The following INTS3 variants were observed in gnomAD, a reference collection of about 807,000 sequenced individuals.
INTS3 encodes integrator complex subunit 3.
Under a neutral mutation model 146.3 loss-of-function variants are expected in INTS3, and 34 were observed. That is an observed-to-expected ratio of 0.23 (90% confidence interval 0.18 to 0.31). The LOEUF is 0.31. INTS3 is among the 10% of genes least tolerant of loss of function. The probability of loss-of-function intolerance (pLI) is 1.00; values close to 1 mark genes in which losing one functional copy is unlikely to be tolerated. For missense variants in INTS3, 757 were observed against 1,304.2 expected (o/e 0.58, Z 6.46); for synonymous variants, 475 against 494.9 (o/e 0.96, Z 0.53).
At chr1:153,743,203 C>A (rs1671604020) in intron 3 of INTS3, among the ~76,000 whole-genome samples, 1 of 152,190 alleles carries the variant, frequency 6.6e-6, no homozygotes, top group Admixed American at 6.5e-5. Flanking sequence ...CTGATGAGGA[C>A]TGATTGTAAT....
chr1:153,728,992 A>G (rs1026511765), intron 1 of INTS3, among the ~76,000 whole-genome samples: 5 of 152,136 alleles, frequency 3.3e-5, no homozygotes, highest in Non-Finnish European at 7.3e-5. Flanking sequence ...AACAGCAGCC[A>G]CTAGTATGAA....
chr1:153,773,047 A>G lies in INTS3; in HGVS notation c.3017A>G (p.Asn1006Ser), dbSNP rs369480311. The G allele has an allele frequency of 7.2e-5, 116 of 1,614,138 alleles. 1 individual carries two copies. The highest frequency in any genetic ancestry group is 2.7e-4 in the East Asian group (12 of 44,878). The part of the protein sequence containing the change: ...RSRKNATQPP[N>S]AEEESGSSSA... The stretch of plus-strand genomic sequence containing the variant: ...CGAAAGAATGCCACACAGCCCCCCA[A>G]TGCCGAAGAAGAGTCGGGCTCCAGC... Residue 1006 changes from asparagine (N) to serine (S), a missense_variant, in exon 29 of 30, where the codon AAT (asparagine) becomes AGT (serine). Coordinates refer to ENST00000318967, the MANE Select transcript of INTS3 (RefSeq NM_023015.5).
At chr1:153,768,165 C>G (rs1225554850) in intron 21 of INTS3, among the ~76,000 whole-genome samples, 1 of 152,204 alleles carries the variant, frequency 6.6e-6, no homozygotes, top group Non-Finnish European at 1.5e-5. Flanking sequence ...CTCTTGTCCT[C>G]TGATGGCTCA....
At chr1:153,729,301 T>C (rs1395023390) in intron 1 of INTS3, among the ~76,000 whole-genome samples, 2 of 152,062 alleles carry the variant, frequency 1.3e-5, no homozygotes, top group Non-Finnish European at 2.9e-5. Flanking sequence ...TTAAGAAAAG[T>C]GAGTAGTGTT....
At chr1:153,736,457 T>A (rs1557988183) in intron 1 of INTS3, among the ~76,000 whole-genome samples, 2 of 151,726 alleles carry the variant, frequency 1.3e-5, no homozygotes, top group African/African-American at 4.8e-5. Context: ...TATCCTTTTT[T>A]TTTTTTTGAG....
At chr1:153,741,712 G>T (rs1184978153) in intron 3 of INTS3, among the ~76,000 whole-genome samples, 1 of 152,244 alleles carries the variant, frequency 6.6e-6, no homozygotes, top group Admixed American at 6.5e-5. Context: ...ATCCAGAAGA[G>T]CATGGCCTGT....
At position 153,759,576 on chromosome 1, in the gene INTS3, G is replaced by A; in HGVS notation, c.1200G>A (p.Leu400=). 6.2e-7 allele frequency: 1 copy of A among 1,613,904 alleles called. No individual in the cohort carries two copies. Among genetic ancestry groups the A allele is most frequent in the Non-Finnish European group, 8.5e-7 (1 of 1,179,832 alleles). The change falls in exon 11 of 30, where the codon CTG becomes CTA. Residue 400 remains leucine, a synonymous_variant. Coordinates refer to ENST00000318967, the MANE Select transcript of INTS3 (RefSeq NM_023015.5). ...AGCTGGCTTTGTTTTATGACTGGCT[G>A]TTCTTTAGTCCAGACAAGGATAGCA... The part of the protein sequence containing the change: ...NAKLALFYDW[L]FFSPDKDSIM...
chr1:153,757,880 G>C lies in INTS3; in HGVS notation c.1149+117G>C. 2 of 712,788 alleles carry C rather than the reference G, an allele frequency of 2.8e-6. No homozygotes were observed. The highest frequency in any genetic ancestry group is 1.8e-5 in the South Asian group (1 of 54,528). The allele number at this position is 712,788 out of a possible 1,614,324, so 44.2% of individuals were successfully genotyped here. On this transcript the variant is annotated intron_variant, in intron 10 of 29. Coordinates refer to ENST00000318967, the MANE Select transcript of INTS3 (RefSeq NM_023015.5). This position sits in a 1 kb window ranked among gnomAD's most constrained non-coding sequence, Gnocchi z 4.0. ...CCCTAAGGGCCCTTCTTTCACTCTGGTCTTCCAGAGTGTCTCAGCCTTCAC... is the reference window on the plus strand; with the variant it reads ...CCCTAAGGGCCCTTCTTTCACTCTGCTCTTCCAGAGTGTCTCAGCCTTCAC...
At chr1:153,733,469 CCAAAGT>C (rs1671167959) in intron 1 of INTS3, among the ~76,000 whole-genome samples, 1 of 151,468 alleles carries the variant, frequency 6.6e-6, no homozygotes, top group Non-Finnish European at 1.5e-5. Flanking sequence ...CCTCAGCTTC[CCAAAGT>C]GCTGGGATTA....
At position 153,751,124 on chromosome 1, in the gene INTS3, T is replaced by C. The variant is rs1671942858; in HGVS notation, c.614T>C (p.Ile205Thr). 4 of 1,614,214 alleles carry C rather than the reference T, an allele frequency of 2.5e-6. No individual in the cohort carries two copies. The South Asian group carries it at 3.3e-5, about 13-fold the overall frequency. Residue 205 changes from isoleucine to threonine, a missense_variant, in exon 7 of 30, where the codon ATT becomes ACT. Ile to Thr is a moderately conservative substitution (Grantham distance 89). Around this residue, in one of 8 missense-constraint regions of INTS3, gnomAD observed 134 missense variants for 243.1 expected, o/e 0.55. Coordinates refer to ENST00000318967, the MANE Select transcript of INTS3 (RefSeq NM_023015.5). ...TGGGTCCTGAAGAGCAGCATCCTCA[T>C]TGCCATGGCTGTTTACACGTACCTC... ...REWVLKSSILIAMAVYTYLRL... is the reference protein window; with the variant it reads ...REWVLKSSILTAMAVYTYLRL...
Position 153,772,754 on chromosome 1 carries a change from A to G in INTS3, c.2894+43A>G, listed in dbSNP as rs1432808550. 1 of 1,607,008 alleles carries G rather than the reference A, an allele frequency of 6.2e-7. No individual in the cohort carries two copies. The highest frequency in any genetic ancestry group is 2.2e-5 in the East Asian group (1 of 44,800). On this transcript the variant is annotated intron_variant, in intron 28 of 29. Transcript: ENST00000318967. The surrounding 1 kb of genome is among the most constrained non-coding windows in gnomAD (Gnocchi z 4.6). ...TTGGGCCTTGGAAAGTAGTAGGGGA[A>G]AAGCCTAAGGGAGAGGAAGCCTGCT... is the stretch of plus-strand genomic sequence containing the variant.
intron 8 of INTS3, among the ~76,000 whole-genome samples, chr1:153,753,140 C>T (rs1202362402): frequency 4.6e-5 from 7 of 152,080 alleles, no homozygotes; most frequent in Non-Finnish European, 1.0e-4. Context: ...TTGTAGTACT[C>T]TTATATTGAA....
At chr1:153,745,994 A>G (rs536502278) in intron 3 of INTS3, among the ~76,000 whole-genome samples, 2 of 152,294 alleles carry the variant, frequency 1.3e-5, no homozygotes, top group South Asian at 2.1e-4. Context: ...AGTACCAGCT[A>G]CGCAGAAGTT....
intron 23 of INTS3, 40 bp from the exon 24 acceptor site, chr1:153,770,158 T>C (rs920796213): frequency 1.7e-6 from 2 of 1,174,788 alleles, no homozygotes; most frequent in Non-Finnish European, 2.5e-6. Context: ...TGTGTTCGTT[T>C]GTTCATTCTT....
At chr1:153,767,904 C>T (rs1672658984) in intron 21 of INTS3, 77 bp downstream of exon 21, 1 of 1,397,756 alleles carries the variant, frequency 7.2e-7, no homozygotes. Context: ...TACACACAAC[C>T]CTGAACCCTC....
chr1:153,730,432 C>G (rs556236168), intron 1 of INTS3, among the ~76,000 whole-genome samples: 6 of 152,282 alleles, frequency 3.9e-5, no homozygotes, highest in Admixed American at 2.6e-4. Flanking sequence ...CACTGGAGCT[C>G]TAGAAGTATA....
At chr1:153,769,033 C>A in intron 22 of INTS3, 72 bp downstream of exon 22, 1 of 1,247,488 alleles carries the variant, frequency 8.0e-7, no homozygotes, top group Non-Finnish European at 1.2e-6. Flanking sequence ...TCTGCTCTCC[C>A]TCCAGGCCTG....
At position 153,761,652 on chromosome 1, in the gene INTS3, A is replaced by G; in HGVS notation, c.1492A>G (p.Ser498Gly). The change falls in exon 14 of 30, where the codon AGC (serine) becomes GGC (glycine). Residue 498 changes from serine to glycine, a missense_variant. Ser to Gly is a moderately conservative substitution (Grantham distance 56). Coordinates refer to ENST00000318967, the MANE Select transcript of INTS3 (RefSeq NM_023015.5). ...GAGAGAGAAGTTTCCTGAGTTCTGC[A>G]GCTCACCCTCCCCACCTGTGGAAGG... ...MLREKFPEFC[S>G]SPSPPVEVKI... 1 of 1,612,136 alleles carries G rather than the reference A, an allele frequency of 6.2e-7. No homozygotes were observed. Among genetic ancestry groups the G allele is most frequent in the Non-Finnish European group, 8.5e-7 (1 of 1,178,140 alleles).
intron 4 of INTS3, 51 bp downstream of exon 4, chr1:153,747,121 C>G: frequency 7.1e-7 from 1 of 1,414,600 alleles, no homozygotes; most frequent in Non-Finnish European, 1.0e-6. Context: ...GAGGATGGAT[C>G]TTCTCTCTGT....
Sources: gnomAD v4.1 joint callset for allele counts (sites outside exome capture counted in the v4.1 genomes callset) on GRCh38, gnomAD v4.1.1 for gene constraint, gnomAD v4.1.1 regional missense constraint, Gnocchi (gnomAD v3.1) non-coding constraint, MANE v1.5 for transcripts, NCBI Gene and HGNC (gene_info 2026-07-23, HGNC 2026-07-21) for gene names.